The following SGCZ variants were observed in gnomAD, a reference collection of about 807,000 sequenced individuals.
The protein encoded by SGCZ is zeta-sarcoglycan.
SGCZ carries 40 observed loss-of-function variants against 41.3 expected under a neutral mutation model. That is an observed-to-expected ratio of 0.97 (90% CI 0.75 to 1.26). SGCZ has a LOEUF of 1.26. Among genes scored for constraint, SGCZ ranks in the 50% most tolerant of loss-of-function variants. The pLI is 0.00. For synonymous variants in SGCZ, 206 were observed against 137.5 expected, an observed-to-expected ratio of 1.50 and a Z score of -3.49; for missense variants, 552 against 369.8, an observed-to-expected ratio of 1.49 and a Z score of -4.04.
At chr8:14,856,605 C>T (rs1803553256) in intron 1 of SGCZ, among the ~76,000 whole-genome samples, 1 of 152,080 alleles carries the variant, frequency 6.6e-6, no homozygotes, top group South Asian at 2.1e-4. Flanking sequence ...TATTAAAGCC[C>T]TCCCCCAAAT....
intron 2 of SGCZ, among the ~76,000 whole-genome samples, chr8:14,327,191 G>A (rs911124948): frequency 6.6e-6 from 1 of 152,146 alleles, no homozygotes; most frequent in African/African-American, 2.4e-5. Flanking sequence ...ACCAGAAAGA[G>A]TAATTTTGGA....
rs545615291 is a variant in SGCZ at position 14,844,798 on chromosome 8, C to T, written c.40-289872G>A. On this transcript the variant is annotated intron_variant, in intron 1 of 7. Transcript: ENST00000382080. Reference sequence around the variant, plus strand: ...CAATCAACAGAGAAATTATCTGAAACAACAGTTTCAACATTTGGGACATTA... The same window carrying T: ...CAATCAACAGAGAAATTATCTGAAATAACAGTTTCAACATTTGGGACATTA... Among the ~76,000 whole-genome samples, 6 of 152,204 alleles carry T rather than the reference C, an allele frequency of 3.9e-5. No homozygotes were observed. The South Asian group carries it at 1.2e-3, about 32-fold the overall frequency.
At chr8:14,408,262 A>C (rs1585468382) in intron 2 of SGCZ, among the ~76,000 whole-genome samples, 1 of 152,136 alleles carries the variant, frequency 6.6e-6, no homozygotes, top group East Asian at 1.9e-4. Flanking sequence ...TCTTTGCAGA[A>C]TCACCTGTCC....
At chr8:14,699,643 G>T (rs561917569) in intron 1 of SGCZ, among the ~76,000 whole-genome samples, 1 of 151,980 alleles carries the variant, frequency 6.6e-6, no homozygotes, top group Admixed American at 6.6e-5. Context: ...AAGAGCTTCT[G>T]CACAGCAAAA....
chr8:14,602,991 G>GA lies in SGCZ; in HGVS notation c.40-48066dup, dbSNP rs34579713. On this transcript the variant is annotated intron_variant, in intron 1 of 7. Coordinates refer to ENST00000382080, the MANE Select transcript of SGCZ (RefSeq NM_139167.4). ...GGCATGCCGAAGTAGAATCAGCAGG[G>GA]AAAAAAAGCCATGCTTAATCTAGGA... Among the ~76,000 whole-genome samples the GA allele has an allele frequency of 3.7e-3, 559 of 152,116 alleles. 8 individuals are homozygous for GA. Among genetic ancestry groups the GA allele is most frequent in the Admixed American group, 0.026 (398 of 15,274 alleles).
intron 4 of SGCZ, among the ~76,000 whole-genome samples, chr8:14,219,412 T>A (rs4831556): frequency 0.71 from 108,049 of 152,120 alleles, 39,119 homozygotes; most frequent in African/African-American, 0.83. Context: ...CAAATTCTAA[T>A]CCAGACAATG....
chr8:14,192,327 T>C (rs866362010), intron 4 of SGCZ, among the ~76,000 whole-genome samples: 3 of 151,964 alleles, frequency 2.0e-5, no homozygotes, highest in South Asian at 4.1e-4. Flanking sequence ...GCTGGACAAC[T>C]ACCATCAAAT....
At chr8:15,068,911 G>A (rs1397310801) in intron 1 of SGCZ, among the ~76,000 whole-genome samples, 1 of 152,108 alleles carries the variant, frequency 6.6e-6, no homozygotes, top group African/African-American at 2.4e-5. Flanking sequence ...TGTGGTCTGT[G>A]CTTCTACTAC....
At chr8:14,228,886 A>AT (rs2117142119) in intron 4 of SGCZ, among the ~76,000 whole-genome samples, 1 of 152,290 alleles carries the variant, frequency 6.6e-6, no homozygotes, top group African/African-American at 2.4e-5. Flanking sequence ...GGCATGAATG[A>AT]TTTTACCAGA....
At chr8:14,274,692 C>T (rs1295530285) in intron 3 of SGCZ, among the ~76,000 whole-genome samples, 1 of 151,848 alleles carries the variant, frequency 6.6e-6, no homozygotes, top group Non-Finnish European at 1.5e-5. Context: ...TCAAATGTGC[C>T]CTTTCTTCAT....
At chr8:14,108,332 A>G in intron 5 of SGCZ, 97 bp from the exon 6 acceptor site, 1 of 1,056,116 alleles carries the variant, frequency 9.5e-7, no homozygotes, top group Non-Finnish European at 1.4e-6. Context: ...AAAACAGAGA[A>G]AACTTAAAAC....
intron 1 of SGCZ, among the ~76,000 whole-genome samples, chr8:15,119,973 T>A (rs1807418480): frequency 6.8e-6 from 1 of 146,006 alleles, no homozygotes; most frequent in South Asian, 2.2e-4. Context: ...CCAAGCTCGG[T>A]TTTTTGGTGT....
intron 1 of SGCZ, among the ~76,000 whole-genome samples, chr8:14,798,423 G>A (rs1416354562): frequency 1.3e-5 from 2 of 152,092 alleles, no homozygotes; most frequent in East Asian, 3.9e-4. Context: ...CCATTCTCTG[G>A]AAGTACACTG....
chr8:15,146,130 T>G (rs2117007767), intron 1 of SGCZ, among the ~76,000 whole-genome samples: 1 of 135,546 alleles, frequency 7.4e-6, no homozygotes, highest in Admixed American at 8.5e-5. Context: ...GAATGAGAAC[T>G]TAGAAAACTA....
chr8:14,575,239 G>T (rs1585093109), intron 1 of SGCZ, among the ~76,000 whole-genome samples: 1 of 152,156 alleles, frequency 6.6e-6, no homozygotes, highest in African/African-American at 2.4e-5. Context: ...TTATATAGGG[G>T]TAAAGAAGTA....
intron 1 of SGCZ, among the ~76,000 whole-genome samples, chr8:15,081,467 T>A (rs1805744072): frequency 1.3e-5 from 2 of 151,816 alleles, no homozygotes; most frequent in African/African-American, 2.4e-5. Flanking sequence ...GAGATGCACA[T>A]TTTTGGAATT....
rs1344481802 is a variant in SGCZ at position 15,078,158 on chromosome 8, T to TA, written c.39+159426_39+159427insT. On this transcript the variant is annotated intron_variant, in intron 1 of 7. Coordinates refer to ENST00000382080, the MANE Select transcript of SGCZ (RefSeq NM_139167.4). ...TGGCAGGAACTCTTCTTTTTTTTTT[T>TA]TTTTTTTTTTTTTTTTTTGCGTAAT... is the stretch of plus-strand genomic sequence containing the variant. Among the ~76,000 whole-genome samples the TA allele has an allele frequency of 2.0e-4, 26 of 131,074 alleles. 1 individual carries two copies. Among genetic ancestry groups the TA allele is most frequent in the Admixed American group, 1.8e-3 (25 of 13,534 alleles). 86.0% of individuals were successfully genotyped at this position (131,074 alleles called of 152,430 possible). A position where few individuals can be genotyped will look rare whatever the true frequency, so the allele number is the denominator to read the frequency against.
rs192610656 is a variant in SGCZ, at chr8:14,498,925, A to G, written c.234+55807T>C. 4.6e-3 allele frequency among the ~76,000 whole-genome samples: 696 copies of G among 151,664 alleles called. 9 individuals are homozygous for G. The highest frequency in any genetic ancestry group is 0.016 in the African/African-American group (663 of 41,412). On this transcript the variant is annotated intron_variant, in intron 2 of 7. Coordinates refer to ENST00000382080, the MANE Select transcript of SGCZ (RefSeq NM_139167.4). ...TTAGTCATTTTTTTTTTTCATGAAG[A>G]ATTCTTTAGTCTTGCCTATGACACC... is the stretch of plus-strand genomic sequence containing the variant.
At chr8:14,134,220 A>G (rs960085239) in intron 5 of SGCZ, among the ~76,000 whole-genome samples, 3 of 152,094 alleles carry the variant, frequency 2.0e-5, no homozygotes, top group African/African-American at 4.8e-5. Context: ...ATTAGATATT[A>G]GATAATAGAT....
Sources: gnomAD v4.1 joint callset for allele counts (sites outside exome capture counted in the v4.1 genomes callset) on GRCh38, gnomAD v4.1.1 for gene constraint, MANE v1.5 for transcripts, NCBI Gene and HGNC (gene_info 2026-07-23, HGNC 2026-07-21) for gene names.